PALLD: variants seen among roughly 807,000 people sequenced by gnomAD.
PALLD encodes the protein palladin, cytoskeletal associated protein, also known as palladin.
Under a neutral mutation model 123.5 loss-of-function variants are expected in PALLD, and 61 were observed. That is an observed-to-expected ratio of 0.49 (90% CI 0.40 to 0.61). PALLD has a LOEUF of 0.61. Among genes scored for constraint, PALLD ranks in the 20% least tolerant of loss-of-function variants. The pLI is 0.00. For synonymous variants in PALLD, 465 were observed against 496.4 expected, an observed-to-expected ratio of 0.94 and a Z score of 0.84; for missense variants, 1,273 against 1,377.0, an observed-to-expected ratio of 0.92 and a Z score of 1.20.
In PALLD at chr4:168,556,878, A is replaced by C. The variant is rs542233469; in HGVS notation, c.908+44466A>C. 5.9e-4 allele frequency among the ~76,000 whole-genome samples: 87 copies of C among 146,810 alleles called. 1 individual carries two copies. The highest frequency in any genetic ancestry group is 5.3e-3 in the Admixed American group (78 of 14,646). On this transcript the variant is annotated intron_variant, in intron 2 of 21. Coordinates refer to ENST00000505667, the MANE Select transcript of PALLD (RefSeq NM_001166108.2). ...TGACTAAGGCATGAAGCCTAGAAGA[A>C]GTGGCTACTTCTGCCTGTGGTTTAT...
At chr4:168,716,217 G>A (rs191327307) in intron 10 of PALLD, among the ~76,000 whole-genome samples, 2 of 152,158 alleles carry the variant, frequency 1.3e-5, no homozygotes, top group East Asian at 1.9e-4. Flanking sequence ...GCCTGTAGAC[G>A]AGCAAAATGA....
At chr4:168,785,045 T>C (rs1054981381) in intron 10 of PALLD, among the ~76,000 whole-genome samples, 2 of 145,488 alleles carry the variant, frequency 1.4e-5, no homozygotes, top group African/African-American at 5.0e-5. Flanking sequence ...CCCCAGCTTT[T>C]TTCTCCCTTT....
intron 15 of PALLD, among the ~76,000 whole-genome samples, chr4:168,905,163 T>G (rs975605173): frequency 5.0e-5 from 7 of 140,464 alleles, no homozygotes; most frequent in African/African-American, 1.9e-4. Context: ...TTTTTTTTTT[T>G]TTTTTGAGAT....
intron 2 of PALLD, among the ~76,000 whole-genome samples, chr4:168,655,829 G>A (rs927896465): frequency 7.9e-5 from 12 of 152,138 alleles, no homozygotes; most frequent in African/African-American, 2.9e-4. Flanking sequence ...CCATTGCTAA[G>A]GAAAAAAGTT....
intron 2 of PALLD, among the ~76,000 whole-genome samples, chr4:168,620,819 A>T (rs1163448139): frequency 2.0e-5 from 3 of 152,222 alleles, no homozygotes; most frequent in Non-Finnish European, 4.4e-5. Flanking sequence ...ATTAAGCCAC[A>T]CAGTATATGC....
At chr4:168,607,388 T>G (rs1424192269) in intron 2 of PALLD, among the ~76,000 whole-genome samples, 1 of 152,188 alleles carries the variant, frequency 6.6e-6, no homozygotes. Context: ...GTGTAACTGA[T>G]TGATTACTGT....
intron 2 of PALLD, among the ~76,000 whole-genome samples, chr4:168,571,474 C>A: frequency 6.6e-6 from 1 of 152,118 alleles, no homozygotes; most frequent in East Asian, 1.9e-4. Flanking sequence ...TTAATATTTA[C>A]GTAACTTATC....
intron 2 of PALLD, among the ~76,000 whole-genome samples, chr4:168,656,132 T>C (rs1778537355): frequency 6.6e-6 from 1 of 152,174 alleles, no homozygotes; most frequent in African/African-American, 2.4e-5. Context: ...CAACAATAGC[T>C]AATAATTACC....
intron 2 of PALLD, among the ~76,000 whole-genome samples, chr4:168,548,381 G>T (rs1766386812): frequency 6.7e-6 from 1 of 149,916 alleles, no homozygotes; most frequent in African/African-American, 2.4e-5. Context: ...AATACTCTCA[G>T]CAGATCATAT....
chr4:168,752,526 G>A (rs1039385), intron 10 of PALLD, among the ~76,000 whole-genome samples: 72,112 of 152,004 alleles, frequency 0.47, 17,373 homozygotes, highest in South Asian at 0.6. Context: ...TGTTTATGCA[G>A]GAGTGCGGGT....
intron 10 of PALLD, among the ~76,000 whole-genome samples, chr4:168,744,114 G>C (rs1206133372): frequency 1.3e-5 from 2 of 152,100 alleles, no homozygotes; most frequent in African/African-American, 4.8e-5. Flanking sequence ...CAGCCCAGAG[G>C]ACAACACTCT....
intron 10 of PALLD, among the ~76,000 whole-genome samples, chr4:168,732,539 G>T (rs1477742454): frequency 6.6e-6 from 1 of 152,186 alleles, no homozygotes; most frequent in Non-Finnish European, 1.5e-5. Flanking sequence ...ATTCAGGATT[G>T]ATTGGAAATG....
rs569025204 is a variant in PALLD, at chr4:168,607,762, C to A, written c.909-60428C>A. Among the ~76,000 whole-genome samples, 5 of 146,152 alleles carry A rather than the reference C, an allele frequency of 3.4e-5. No homozygotes were observed. The South Asian group carries it at 1.1e-3, about 31-fold the overall frequency. The stretch of plus-strand genomic sequence containing the variant: ...AATGCTAATTATTTGTGAGTGTTTT[C>A]TGGAAAAAAAAAAATTGGCTGCAAG... On this transcript the variant is annotated intron_variant, in intron 2 of 21. Transcript: ENST00000505667.
At chr4:168,822,243 A>T (rs1044692453) in intron 10 of PALLD, among the ~76,000 whole-genome samples, 1 of 138,554 alleles carries the variant, frequency 7.2e-6, no homozygotes. Flanking sequence ...TTTACATACT[A>T]GAGCTTTTGT....
At chr4:168,647,237 T>G (rs1327891646) in intron 2 of PALLD, among the ~76,000 whole-genome samples, 2 of 152,172 alleles carry the variant, frequency 1.3e-5, no homozygotes, top group Non-Finnish European at 2.9e-5. Context: ...TCTCTGGCAT[T>G]TAAGATTTTT....
chr4:168,743,660 G>A (rs1160739096), intron 10 of PALLD, among the ~76,000 whole-genome samples: 1 of 152,088 alleles, frequency 6.6e-6, no homozygotes, highest in Non-Finnish European at 1.5e-5. Context: ...CTCTGTTATG[G>A]ATAACAGTTT....
chr4:168,812,477 A>G (rs28595796), intron 10 of PALLD, among the ~76,000 whole-genome samples: 42,340 of 152,200 alleles, frequency 0.28, 6,190 homozygotes, highest in African/African-American at 0.38. Context: ...CACAGCATCT[A>G]TGGAACAGGG....
In PALLD at chr4:168,921,671, C is replaced by A; in HGVS notation, c.2988C>A (p.Ala996=). The stretch of plus-strand genomic sequence containing the variant: ...TAGAGCCAGTCACGTCACGTGATGC[C>A]GGCATCTACACATGTATAGCTACCA... ...LIIEPVTSRD[A]GIYTCIATNR... The change falls in exon 18 of 22, where the codon GCC becomes GCA. Residue 996 remains alanine (A), a synonymous_variant. Coordinates refer to ENST00000505667, the MANE Select transcript of PALLD (RefSeq NM_001166108.2). 1 of 1,611,332 alleles carries A rather than the reference C, an allele frequency of 6.2e-7. No homozygotes were observed. Among genetic ancestry groups the A allele is most frequent in the Non-Finnish European group, 8.5e-7 (1 of 1,179,756 alleles).
At chr4:168,601,908 T>C (rs1772699281) in intron 2 of PALLD, among the ~76,000 whole-genome samples, 1 of 152,196 alleles carries the variant, frequency 6.6e-6, no homozygotes, top group Admixed American at 6.5e-5. Flanking sequence ...CTTATCTACC[T>C]TCCCTCTATT....
Sources: gnomAD v4.1 joint callset for allele counts (sites outside exome capture counted in the v4.1 genomes callset) on GRCh38, gnomAD v4.1.1 for gene constraint, MANE v1.5 for transcripts, NCBI Gene and HGNC (gene_info 2026-07-23, HGNC 2026-07-21) for gene names.